The following BNIP2 variants were observed in gnomAD, a reference collection of about 807,000 sequenced individuals.
BNIP2 encodes the protein BCL2 interacting protein 2.
BNIP2 carries 36 observed loss-of-function variants against 43.4 expected under a neutral mutation model. That is an observed-to-expected ratio of 0.83 (90% CI 0.64 to 1.10). The LOEUF (loss-of-function observed/expected upper bound fraction) is 1.10, where lower values mean the gene tolerates loss of function less well. Ranked by LOEUF, BNIP2 falls within the 50% of genes least tolerant of loss-of-function variation. The pLI, the probability that BNIP2 is intolerant of heterozygous loss-of-function variation, is 0.00. For synonymous variants in BNIP2, 146 were observed against 121.0 expected, an observed-to-expected ratio of 1.21 and a Z score of -1.35; for missense variants, 417 against 374.1, an observed-to-expected ratio of 1.11 and a Z score of -0.95.
chr15:59,675,609 A>C (rs1421548001), intron 5 of BNIP2, among the ~76,000 whole-genome samples: 1 of 152,088 alleles, frequency 6.6e-6, no homozygotes, highest in Non-Finnish European at 1.5e-5. Flanking sequence ...TCTGTCTCAA[A>C]ACAAAACAAA....
chr15:59,682,668 T>A (rs1321230880), intron 1 of BNIP2, among the ~76,000 whole-genome samples, 154 bp from the exon 2 acceptor site: 2 of 152,078 alleles, frequency 1.3e-5, no homozygotes, highest in Middle Eastern at 3.4e-3. Context: ...TTTTTTTTTT[T>A]AAAGAAAAGA....
At chr15:59,665,687 G>T (rs1190073296) in intron 9 of BNIP2, among the ~76,000 whole-genome samples, 3 of 152,102 alleles carry the variant, frequency 2.0e-5, no homozygotes, top group African/African-American at 7.2e-5. Flanking sequence ...CAAAATTTAC[G>T]CATGTGGGCA....
chr15:59,677,622 T>G (rs1358880785), intron 5 of BNIP2, among the ~76,000 whole-genome samples: 3 of 152,188 alleles, frequency 2.0e-5, no homozygotes, highest in African/African-American at 4.8e-5. Flanking sequence ...GCTAAGCATG[T>G]TCAGGTTTAC....
chr15:59,687,588 A>AT (rs1894104580), intron 1 of BNIP2, among the ~76,000 whole-genome samples: 1 of 151,720 alleles, frequency 6.6e-6, no homozygotes, highest in Non-Finnish European at 1.5e-5. Context: ...TTGCTTTATC[A>AT]TTTTTTGCTC....
At chr15:59,677,153 G>T in intron 5 of BNIP2, 1 of 1,596,418 alleles carries the variant, frequency 6.3e-7, no homozygotes, top group Non-Finnish European at 8.6e-7. Flanking sequence ...TGCAGAAGGT[G>T]ATTTACTACC....
At position 59,662,496 on chromosome 15, in the gene BNIP2, G is replaced by C. The variant is rs972987510; in HGVS notation, c.*1573C>G. 1 of 152,238 alleles carries C rather than the reference G, an allele frequency of 6.6e-6. No homozygotes were observed. The highest frequency in any genetic ancestry group is 1.5e-5 in the Non-Finnish European group (1 of 68,040). 9.4% of individuals were successfully genotyped at this position (152,238 alleles called of 1,614,324 possible). A position where few individuals can be genotyped will look rare whatever the true frequency, so the allele number is the denominator to read the frequency against. On this transcript the variant is annotated 3_prime_UTR_variant, in exon 10 of 10. Transcript: ENST00000607373. Reference sequence around the variant, plus strand: ...AATGTTTCATCCTGGGAATCCTCCAGCATCTCTCTCCTATAACTGGTTTTA... The same window carrying C: ...AATGTTTCATCCTGGGAATCCTCCACCATCTCTCTCCTATAACTGGTTTTA...
chr15:59,677,419 G>A, intron 5 of BNIP2: 1 of 1,478,594 alleles, frequency 6.8e-7, no homozygotes. Flanking sequence ...GGTGGACACA[G>A]TCCTAGGAAC....
chr15:59,676,858 T>C, intron 5 of BNIP2: 2 of 1,577,072 alleles, frequency 1.3e-6, no homozygotes, highest in South Asian at 1.1e-5. Context: ...TCAGCTGCCC[T>C]GGGCTCTCGC....
Position 59,662,014 on chromosome 15 carries a change from T to C in BNIP2, c.*2055A>G, listed in dbSNP as rs537621657. On this transcript the variant is annotated 3_prime_UTR_variant, in exon 10 of 10. Coordinates refer to ENST00000607373, the MANE Select transcript of BNIP2 (RefSeq NM_004330.4). ...TGTTTAACAGAATAGTCTTCTACTT[T>C]TAAAAAAAATTCAGAAAAACATCAC... 5.3e-5 allele frequency: 8 copies of C among 152,336 alleles called. No individual in the cohort carries two copies. In the South Asian group the frequency reaches 6.2e-4, roughly 12 times the overall value. The allele number at this position is 152,336 out of a possible 1,614,324, so 9.4% of individuals were successfully genotyped here.
chr15:59,687,337 T>G (rs1317737167), intron 1 of BNIP2, among the ~76,000 whole-genome samples: 1 of 148,500 alleles, frequency 6.7e-6, no homozygotes, highest in Non-Finnish European at 1.5e-5. Flanking sequence ...GGATGTAACA[T>G]GACATCTTTT....
At chr15:59,670,917 T>C (rs1305692966) in intron 7 of BNIP2, among the ~76,000 whole-genome samples, 1 of 151,564 alleles carries the variant, frequency 6.6e-6, no homozygotes, top group Non-Finnish European at 1.5e-5. Flanking sequence ...CTACAAAAAA[T>C]ACAACATTAG....
intron 5 of BNIP2, among the ~76,000 whole-genome samples, chr15:59,677,485 C>T (rs1466109949): frequency 6.6e-6 from 1 of 152,140 alleles, no homozygotes; most frequent in East Asian, 1.9e-4. Flanking sequence ...AAATCTAACT[C>T]AGTATATTTC....
intron 5 of BNIP2, chr15:59,676,980 G>A: frequency 1.2e-6 from 2 of 1,613,578 alleles, no homozygotes; most frequent in Non-Finnish European, 1.7e-6. Flanking sequence ...ACCCTCTTAG[G>A]TCTGCTTGGT....
At chr15:59,669,716 T>C (rs1286553635) in intron 7 of BNIP2, among the ~76,000 whole-genome samples, 1 of 152,186 alleles carries the variant, frequency 6.6e-6, no homozygotes, top group East Asian at 1.9e-4. Context: ...GAGAAATTGG[T>C]GCTAAGTTCT....
At chr15:59,666,049 A>G (rs1461059461) in intron 9 of BNIP2, among the ~76,000 whole-genome samples, 1 of 148,558 alleles carries the variant, frequency 6.7e-6, no homozygotes, top group African/African-American at 2.5e-5. Context: ...AACTAATTTC[A>G]TAATTATTTT....
chr15:59,678,709 T>A, intron 4 of BNIP2: 1 of 1,227,356 alleles, frequency 8.1e-7, no homozygotes. Flanking sequence ...ATTTTCAATG[T>A]AGTAATAATT....
chr15:59,677,844 T>C (rs780020324), intron 5 of BNIP2, 67 bp downstream of exon 5: 37 of 1,519,690 alleles, frequency 2.4e-5, no homozygotes, highest in Non-Finnish European at 3.3e-5. Flanking sequence ...TAAACAGATA[T>C]CCTTCCAAAA....
intron 9 of BNIP2, among the ~76,000 whole-genome samples, chr15:59,667,481 T>A (rs1252399528): frequency 6.6e-6 from 1 of 152,238 alleles, no homozygotes; most frequent in Non-Finnish European, 1.5e-5. Context: ...TATCAATAGA[T>A]AATAGTTTGT....
At chr15:59,677,695 A>G (rs924237559) in intron 5 of BNIP2, 2 of 1,174,512 alleles carry the variant, frequency 1.7e-6, no homozygotes, top group Non-Finnish European at 2.2e-6. Context: ...AGAAAGCTAT[A>G]TTTTCCATTA....
Sources: allele counts gnomAD v4.1 joint callset (sites outside exome capture counted in the v4.1 genomes callset), GRCh38; gene constraint gnomAD v4.1.1; transcripts MANE v1.5; gene names NCBI Gene and HGNC (gene_info 2026-07-23, HGNC 2026-07-21).